Variants in FMO5 observed in about 807,000 individuals in gnomAD.
FMO5 encodes flavin containing dimethylaniline monoxygenase 5, also known as flavin-containing monooxygenase 5.
In FMO5, 51 loss-of-function variants were observed where a neutral mutation model predicts 43.6. That is an observed-to-expected ratio of 1.17 (90% CI 0.93 to 1.48). The LOEUF is 1.48. FMO5 is among the 40% of genes most tolerant of loss of function. FMO5 has a pLI of 0.00. For missense variants in FMO5, 644 were observed against 643.0 expected, an observed-to-expected ratio of 1.00 and a Z score of -0.02; for synonymous variants, 187 against 216.5, an observed-to-expected ratio of 0.86 and a Z score of 1.20.
chr1:147,186,204 C>T (rs1553916948), downstream of FMO5: 2 of 493,842 alleles, frequency 4.0e-6, no homozygotes, highest in East Asian at 1.5e-4. Context: ...AAATTCTCAA[C>T]CAAGTTGATC....
At chr1:147,215,220 G>A (rs1661786172) in intron 3 of FMO5, 1 of 152,294 alleles carries the variant, frequency 6.6e-6, no homozygotes, top group Non-Finnish European at 1.5e-5. Context: ...TAACATCTAA[G>A]TTAGTTAGTG....
chr1:147,184,419 T>A (rs1655443158), downstream of FMO5: 1 of 1,365,806 alleles, frequency 7.3e-7, no homozygotes, highest in African/African-American at 1.5e-5. The surrounding 1 kb of genome is among the most constrained non-coding windows in gnomAD (Gnocchi z 4.4). Flanking sequence ...TTTATTAATA[T>A]TCCCTTAATT....
At chr1:147,200,906 T>G (rs1553920729) in intron 7 of FMO5, among the ~76,000 whole-genome samples, 1 of 152,166 alleles carries the variant, frequency 6.6e-6, no homozygotes, top group Non-Finnish European at 1.5e-5. Context: ...CCAGACTAAC[T>G]AAATAAGCAT....
chr1:147,204,456 TTCA>T, intron 6 of FMO5: 1 of 1,363,174 alleles, frequency 7.3e-7, no homozygotes, highest in Non-Finnish European at 1.1e-6. Context: ...GAGATGAGAC[TTCA>T]TCAACATCTC....
chr1:147,194,428 T>C (rs1265195886), intron 7 of FMO5, among the ~76,000 whole-genome samples: 3 of 152,198 alleles, frequency 2.0e-5, no homozygotes, highest in African/African-American at 7.2e-5. Flanking sequence ...GTTTCCTGAA[T>C]ACAGCACACT....
chr1:147,195,794 T>C (rs182017079), intron 7 of FMO5, among the ~76,000 whole-genome samples: 7 of 152,268 alleles, frequency 4.6e-5, no homozygotes, highest in Admixed American at 3.9e-4. Flanking sequence ...GGCAATATAT[T>C]TTACCTGATA....
chr1:147,212,620 T>A (rs1661265896), intron 4 of FMO5, 85 bp from the exon 5 acceptor site: 16 of 1,280,798 alleles, frequency 1.2e-5, no homozygotes, highest in Non-Finnish European at 1.5e-5. Flanking sequence ...TTTGCAGACT[T>A]AAGTTTAAGC....
At chr1:147,205,946 C>G (rs587725839) in intron 6 of FMO5, among the ~76,000 whole-genome samples, 1 of 152,078 alleles carries the variant, frequency 6.6e-6, no homozygotes, top group Admixed American at 6.5e-5. Context: ...AGCTTCTGCA[C>G]AGCAAAAGAA....
Position 147,201,233 on chromosome 1 carries a change from T to C in FMO5, c.1102A>G (p.Ile368Val), listed in dbSNP as rs148940888. 1.2e-6 allele frequency: 2 copies of C among 1,614,164 alleles called. No homozygotes were observed. Among genetic ancestry groups the C allele is most frequent in the Non-Finnish European group, 1.7e-6 (2 of 1,180,018 alleles). Residue 368 changes from isoleucine (I) to valine (V), a missense_variant, in exon 7 of 9, where the codon ATC becomes GTC. By Grantham distance (29) the Ile-to-Val change is conservative (BLOSUM62 3). Transcript: ENST00000254090. ...CCTAAGGGCTGAATCAAGCCTATGA[T>C]TGCAAGAGTTGGCCTTTCCAGGTTA... The part of the protein sequence containing the change: ...PPNLERPTLA[I>V]IGLIQPLGAI...
chr1:147,193,896 T>C (rs2101755530), intron 7 of FMO5, among the ~76,000 whole-genome samples: 1 of 152,292 alleles, frequency 6.6e-6, no homozygotes, highest in East Asian at 1.9e-4. Context: ...TTCTGTTCTT[T>C]TACATTTGCT....
intron 7 of FMO5, among the ~76,000 whole-genome samples, chr1:147,194,813 T>C (rs1450284425): frequency 2.0e-5 from 3 of 152,028 alleles, no homozygotes; most frequent in African/African-American, 7.3e-5. Flanking sequence ...AATTCTTTTC[T>C]TTAAGAATGT....
At chr1:147,214,181 G>C (rs963707602) in intron 3 of FMO5, among the ~76,000 whole-genome samples, 1 of 152,114 alleles carries the variant, frequency 6.6e-6, no homozygotes, top group Non-Finnish European at 1.5e-5. Flanking sequence ...GCCGGGTGCG[G>C]TGGCTCACGC....
chr1:147,200,211 G>T (rs56410162), intron 7 of FMO5, among the ~76,000 whole-genome samples: 1 of 152,102 alleles, frequency 6.6e-6, no homozygotes, highest in Non-Finnish European at 1.5e-5. Context: ...TAACCCTCAA[G>T]ATTTCACTCC....
At chr1:147,199,835 TC>T (rs1300939494) in intron 7 of FMO5, among the ~76,000 whole-genome samples, 1 of 152,206 alleles carries the variant, frequency 6.6e-6, no homozygotes, top group Non-Finnish European at 1.5e-5. Flanking sequence ...TACCATTGGT[TC>T]TTTTTTTCTC....
chr1:147,204,638 C>T (rs1464605599), intron 6 of FMO5: 2 of 1,587,162 alleles, frequency 1.3e-6, no homozygotes, highest in African/African-American at 2.7e-5. Flanking sequence ...TTTGTGCCAT[C>T]TCCAACTTCT....
At position 147,209,403 on chromosome 1, in the gene FMO5, A is replaced by C. The variant is rs587622977; in HGVS notation, c.631-352T>G. 1.9e-3 allele frequency among the ~76,000 whole-genome samples: 257 copies of C among 133,880 alleles called. 3 individuals are homozygous for C. Among genetic ancestry groups the C allele is most frequent in the Admixed American group, 0.019 (216 of 11,368 alleles). The allele number at this position is 133,880 out of a possible 152,430, so 87.8% of individuals were successfully genotyped here. A position where few individuals can be genotyped will look rare whatever the true frequency, so the allele number is the denominator to read the frequency against. On this transcript the variant is annotated intron_variant, in intron 5 of 8. Coordinates refer to ENST00000254090, the MANE Select transcript of FMO5 (RefSeq NM_001461.4). The stretch of plus-strand genomic sequence containing the variant: ...CAGTGAGCCAAGATCGCACCACTGC[A>C]CTCCAGCCTGGGCAACAGAGTGAGA...
At chr1:147,207,117 G>A (rs587651475) in intron 6 of FMO5, among the ~76,000 whole-genome samples, 7 of 151,992 alleles carry the variant, frequency 4.6e-5, no homozygotes, top group African/African-American at 1.7e-4. Context: ...AATTTCCCAC[G>A]TGTGATAATT....
Position 147,187,198 on chromosome 1 carries a change from G to A in FMO5, c.1304C>T (p.Thr435Ile). 6.2e-7 allele frequency: 1 copy of A among 1,613,998 alleles called. No individual in the cohort carries two copies. The highest frequency in any genetic ancestry group is 8.5e-7 in the Non-Finnish European group (1 of 1,179,972). The change falls in exon 9 of 9, where the codon ACC becomes ATC. Residue 435 changes from threonine (T) to isoleucine (I), a missense_variant. Coordinates refer to ENST00000254090, the MANE Select transcript of FMO5 (RefSeq NM_001461.4). ...CACCAAATCAGCAAGCTCTTCCATG[G>A]TATCTATGTAGTCTCCCTGAATGGT... Reference protein sequence around the residue: ...RHTIQGDYIDTMEELADLVGV... With the variant: ...RHTIQGDYIDIMEELADLVGV...
intron 8 of FMO5, among the ~76,000 whole-genome samples, chr1:147,187,525 T>C (rs1236842525): frequency 2.0e-5 from 3 of 152,166 alleles, no homozygotes; most frequent in Admixed American, 6.5e-5. Flanking sequence ...CGTTAGGTTC[T>C]TGAAGGATGT....
Sources: gnomAD v4.1 joint callset for allele counts (sites outside exome capture counted in the v4.1 genomes callset) on GRCh38, gnomAD v4.1.1 for gene constraint, Gnocchi (gnomAD v3.1) non-coding constraint, MANE v1.5 for transcripts, NCBI Gene and HGNC (gene_info 2026-07-23, HGNC 2026-07-21) for gene names.